GLIS3: variants seen among roughly 807,000 people sequenced by gnomAD.
The protein encoded by GLIS3 is zinc finger protein GLIS3.
In GLIS3, 53 loss-of-function variants were observed where a neutral mutation model predicts 78.6. The ratio of observed to expected loss-of-function variants is 0.67; its 90% confidence interval spans 0.54 to 0.85. The LOEUF (loss-of-function observed/expected upper bound fraction) is 0.85, where lower values mean the gene tolerates loss of function less well. GLIS3 is among the 40% of genes least tolerant of loss of function. The pLI is 0.00. For missense variants in GLIS3, 1,703 were observed against 1,231.1 expected (o/e 1.38, Z -5.74); for synonymous variants, 684 against 509.9 (o/e 1.34, Z -4.60).
intron 4 of GLIS3, among the ~76,000 whole-genome samples, chr9:4,107,526 A>G (rs933778070): frequency 3.3e-5 from 5 of 152,232 alleles, no homozygotes; most frequent in Non-Finnish European, 7.4e-5. Flanking sequence ...TAGCCATATT[A>G]GAACAAAAAC....
At chr9:4,036,929 G>A (rs1039836875) in intron 4 of GLIS3, among the ~76,000 whole-genome samples, 4 of 152,134 alleles carry the variant, frequency 2.6e-5, no homozygotes, top group African/African-American at 7.2e-5. Context: ...GGGGCAGACC[G>A]CAGTGGATTC....
At chr9:4,009,486 T>G (rs1821823853) in intron 4 of GLIS3, among the ~76,000 whole-genome samples, 1 of 152,058 alleles carries the variant, frequency 6.6e-6, no homozygotes, top group Non-Finnish European at 1.5e-5. Flanking sequence ...GCCCTCCACA[T>G]AACTTCCCAC....
chr9:4,340,330 C>A (rs1817816589), intron 2 of GLIS3, among the ~76,000 whole-genome samples: 1 of 148,520 alleles, frequency 6.7e-6, no homozygotes. Context: ...CCTTTATTTG[C>A]CATGACTGAT....
chr9:4,391,205 G>A, the GLIS3 span, among the ~76,000 whole-genome samples: 1 of 152,082 alleles, frequency 6.6e-6, no homozygotes, highest in Admixed American at 6.6e-5. Flanking sequence ...TTTCATAGAT[G>A]CACTCATCTC....
At chr9:4,108,379 G>C (rs1830937932) in intron 4 of GLIS3, among the ~76,000 whole-genome samples, 1 of 152,126 alleles carries the variant, frequency 6.6e-6, no homozygotes, top group Non-Finnish European at 1.5e-5. Flanking sequence ...TAAGGAGCAA[G>C]GCATGGGGCC....
At chr9:4,144,067 G>A (rs1409152788) in intron 2 of GLIS3, among the ~76,000 whole-genome samples, 1 of 152,150 alleles carries the variant, frequency 6.6e-6, no homozygotes, top group Non-Finnish European at 1.5e-5. Context: ...GGGGGAGGGT[G>A]GGACGACAGG....
intron 2 of GLIS3, among the ~76,000 whole-genome samples, chr9:4,251,314 G>C (rs116309658): frequency 0.023 from 3,546 of 152,168 alleles, 101 homozygotes; most frequent in African/African-American, 0.073. Context: ...TGTATATTTA[G>C]GATAGTTTAC....
In GLIS3 at chr9:4,232,728, G is replaced by T. The variant is rs1343591539; in HGVS notation, c.388+53310C>A. On this transcript the variant is annotated intron_variant, in intron 2 of 10. Coordinates refer to ENST00000381971, the MANE Select transcript of GLIS3 (RefSeq NM_001042413.2). Reference sequence around the variant, plus strand: ...CATAATAAAGATGAGGAAGTTGGAGGACACAGAAACGTTATCTAATATTAA... The same window carrying T: ...CATAATAAAGATGAGGAAGTTGGAGTACACAGAAACGTTATCTAATATTAA... 7.9e-5 allele frequency among the ~76,000 whole-genome samples: 12 copies of T among 152,114 alleles called. No individual in the cohort carries two copies. The South Asian group carries it at 2.3e-3, about 29-fold the overall frequency.
the GLIS3 span, among the ~76,000 whole-genome samples, chr9:4,355,364 T>C: frequency 2.0e-5 from 3 of 152,080 alleles, no homozygotes; most frequent in Non-Finnish European, 2.9e-5. Flanking sequence ...GCAATGCATA[T>C]AGAGGGGTAA....
intron 9 of GLIS3, among the ~76,000 whole-genome samples, chr9:3,839,506 C>T (rs1179400866): frequency 6.6e-6 from 1 of 151,946 alleles, no homozygotes; most frequent in African/African-American, 2.4e-5. Context: ...ACAGGCATTG[C>T]CCCAGGTGTT....
the GLIS3 span, among the ~76,000 whole-genome samples, chr9:4,464,320 G>A: frequency 6.6e-6 from 1 of 151,322 alleles, no homozygotes; most frequent in Non-Finnish European, 1.5e-5. Flanking sequence ...ATTTTGACAA[G>A]CAGTATTGAT....
chr9:4,129,887 A>T (rs1317276441), intron 2 of GLIS3, among the ~76,000 whole-genome samples: 2 of 152,208 alleles, frequency 1.3e-5, no homozygotes, highest in East Asian at 3.9e-4. Context: ...AACTTCCTAG[A>T]GACTGCCCGA....
intron 4 of GLIS3, among the ~76,000 whole-genome samples, chr9:4,083,115 T>C (rs1828702515): frequency 1.3e-5 from 2 of 152,322 alleles, no homozygotes; most frequent in South Asian, 4.1e-4. Flanking sequence ...AGAAATTTGA[T>C]TTAATTGAAG....
At chr9:3,853,011 C>T (rs900481625) in intron 9 of GLIS3, among the ~76,000 whole-genome samples, 40 of 152,042 alleles carry the variant, frequency 2.6e-4, no homozygotes, top group Non-Finnish European at 7.4e-5. Flanking sequence ...GAGTTCAAGA[C>T]CAGCCTGGGC....
chr9:4,462,014 A>C, the GLIS3 span, among the ~76,000 whole-genome samples: 1 of 152,234 alleles, frequency 6.6e-6, no homozygotes, highest in African/African-American at 2.4e-5. Flanking sequence ...TTTCTGGTAC[A>C]GTTCAAAGGA....
At chr9:4,146,540 G>A (rs1440773806) in intron 2 of GLIS3, among the ~76,000 whole-genome samples, 1 of 152,088 alleles carries the variant, frequency 6.6e-6, no homozygotes, top group African/African-American at 2.4e-5. Context: ...ACACTACTCA[G>A]CAGCAATCTT....
At chr9:4,262,137 C>A (rs10974420) in intron 2 of GLIS3, among the ~76,000 whole-genome samples, 1 of 151,884 alleles carries the variant, frequency 6.6e-6, no homozygotes, top group Non-Finnish European at 1.5e-5. Context: ...AGAGTGCTCT[C>A]GGATCTGGGA....
chr9:4,319,459 GA>G lies in GLIS3; in HGVS notation n.265-8932del, dbSNP rs747955442. 2.0e-5 allele frequency among the ~76,000 whole-genome samples: 3 copies of G among 152,138 alleles called. No individual in the cohort carries two copies. The South Asian group carries it at 6.2e-4, about 32-fold the overall frequency. On this transcript the variant is annotated intron_variant and non_coding_transcript_variant, in intron 2 of 4. Transcript: ENST00000471664. ...TTCTGAGAACTTGACGTTTTTCTAA[GA>G]AATGATTTTAAACATTTTTAAATGT...
At chr9:3,945,488 G>T (rs899207809) in intron 4 of GLIS3, among the ~76,000 whole-genome samples, 2 of 152,102 alleles carry the variant, frequency 1.3e-5, no homozygotes, top group Non-Finnish European at 2.9e-5. Flanking sequence ...AGTAACTTTG[G>T]TTTTCATCTT....
Sources: allele counts gnomAD v4.1 joint callset (sites outside exome capture counted in the v4.1 genomes callset), GRCh38; gene constraint gnomAD v4.1.1; transcripts MANE v1.5; gene names NCBI Gene and HGNC (gene_info 2026-07-23, HGNC 2026-07-21).